ARFRP1: variants seen among roughly 807,000 people sequenced by gnomAD.
ARFRP1 encodes ARF related protein 1.
ARFRP1 carries 19 observed loss-of-function variants against 30.3 expected under a neutral mutation model. That is an observed-to-expected ratio of 0.63 (90% CI 0.44 to 0.92). The LOEUF (loss-of-function observed/expected upper bound fraction) is 0.92, where lower values mean the gene tolerates loss of function less well. ARFRP1 is among the 40% of genes least tolerant of loss of function. The pLI is 0.00. For synonymous variants in ARFRP1, 133 were observed against 114.2 expected (o/e 1.16, Z -1.05); for missense variants, 245 against 267.5 (o/e 0.92, Z 0.59).
At position 63,699,688 on chromosome 20, in the gene ARFRP1, T is replaced by TGG. The variant is rs1459491774; in HGVS notation, c.*754_*755insCC. ...GACACAGGGCCCCACAGAGAACCCC[T>TGG]CCGGGAGGTTCTCTCCTGGCTGGGG... On this transcript the variant is annotated 3_prime_UTR_variant, in exon 8 of 8. Transcript: ENST00000622789. 2.0e-5 allele frequency: 3 copies of TGG among 152,738 alleles called. No homozygotes were observed. The highest frequency in any genetic ancestry group is 7.3e-5 in the African/African-American group (3 of 41,250). 9.5% of individuals were successfully genotyped at this position (152,738 alleles called of 1,614,324 possible). A position where few individuals can be genotyped will look rare whatever the true frequency, so the allele number is the denominator to read the frequency against.
chr20:63,698,682 A>G lies in ARFRP1; in HGVS notation c.*1761T>C, dbSNP rs1482027480. 1 of 1,249,750 alleles carries G rather than the reference A, an allele frequency of 8.0e-7. No homozygotes were observed. Among genetic ancestry groups the G allele is most frequent in the African/African-American group, 1.6e-5 (1 of 62,442 alleles). 77.4% of individuals were successfully genotyped at this position (1,249,750 alleles called of 1,614,324 possible). A position where few individuals can be genotyped will look rare whatever the true frequency, so the allele number is the denominator to read the frequency against. ...CTTATTTTTATAAAGCTTTTTCATAAAACTGGTTGTAGTTGCACAGCTACT... is the reference window on the plus strand; with the variant it reads ...CTTATTTTTATAAAGCTTTTTCATAGAACTGGTTGTAGTTGCACAGCTACT... On this transcript the variant is annotated 3_prime_UTR_variant, in exon 8 of 8. Transcript: ENST00000622789.
In ARFRP1 at chr20:63,700,639, G is replaced by A. The variant is rs773068492; in HGVS notation, c.481C>T (p.Arg161Ter). ...FSDCTSKIGR[R>*]DCLTQACSAL... ...GAGCAGGCCTGGGTCAGGCAATCTCGCCTGCCGATCTTGCTGGTGCAGTCG... is the reference window on the plus strand; with the variant it reads ...GAGCAGGCCTGGGTCAGGCAATCTCACCTGCCGATCTTGCTGGTGCAGTCG... The change falls in exon 7 of 8, where the codon CGA becomes TGA. Residue 161 changes from arginine to a stop codon, truncating the protein, a stop_gained. Transcript: ENST00000622789. LOFTEE classifies it high-confidence loss of function. The A allele has an allele frequency of 3.8e-5, 61 of 1,610,530 alleles. No homozygotes were observed. Among genetic ancestry groups the A allele is most frequent in the African/African-American group, 2.7e-5 (2 of 74,878 alleles).
At chr20:63,702,383 T>G in intron 4 of ARFRP1, 166 bp from the exon 5 acceptor site, 1 of 658,718 alleles carries the variant, frequency 1.5e-6, no homozygotes, top group East Asian at 2.8e-5. Flanking sequence ...TGCGGGGAGA[T>G]CTGGTGGAGG....
intron 4 of ARFRP1, chr20:63,705,569 G>A (rs2091413134): frequency 2.0e-6 from 1 of 488,604 alleles, no homozygotes; most frequent in Admixed American, 2.2e-5. Flanking sequence ...GACTGCCGCT[G>A]TGAGACCCTG....
chr20:63,700,820 C>T (rs2091169136), intron 6 of ARFRP1, 118 bp from the exon 7 acceptor site: 2 of 1,371,386 alleles, frequency 1.5e-6, no homozygotes, highest in African/African-American at 1.4e-5. Context: ...AGAGCTCCAC[C>T]AGGGTCCCAG....
rs544032237 is a variant in ARFRP1, at chr20:63,700,463, G to A, written c.586C>T (p.Arg196Trp). The A allele has an allele frequency of 1.6e-5, 26 of 1,609,422 alleles. No individual in the cohort carries two copies. Among genetic ancestry groups the A allele is most frequent in the African/African-American group, 1.2e-4 (9 of 75,000 alleles). Residue 196 changes from arginine (R) to tryptophan (W), a missense_variant, in exon 8 of 8, where the codon CGG becomes TGG. Transcript: ENST00000622789. Reference protein sequence around the residue: ...CVVRNVHRPPRQRDIT With the variant: ...CVVRNVHRPPWQRDIT Reference sequence around the variant, plus strand: ...TGCGCCTACGTGATGTCCCTCTGCCGCGGCGGCCGGTGCACATTCCGCACG... The same window carrying A: ...TGCGCCTACGTGATGTCCCTCTGCCACGGCGGCCGGTGCACATTCCGCACG...
intron 4 of ARFRP1, chr20:63,703,302 C>T (rs1478837925): frequency 6.6e-6 from 1 of 152,310 alleles, no homozygotes; most frequent in Non-Finnish European, 1.5e-5. Flanking sequence ...GAGTACCAGA[C>T]AACCCCATCC....
At chr20:63,707,213 G>A in intron 1 of ARFRP1, 116 bp from the exon 2 acceptor site, 1 of 853,748 alleles carries the variant, frequency 1.2e-6, no homozygotes, top group Non-Finnish European at 1.8e-6. Context: ...CGAGAGCCTG[G>A]GGGCCATTCC....
Position 63,698,662 on chromosome 20 carries a change from TTTTATAAAGC to T in ARFRP1, c.*1771_*1780del. On this transcript the variant is annotated 3_prime_UTR_variant, in exon 8 of 8. Coordinates refer to ENST00000622789, the MANE Select transcript of ARFRP1 (RefSeq NM_001267547.3). ...AGAAATGAGGTTTCTTAAAGCTTAT[TTTTATAAAGC>T]TTTTTCATAAAACTGGTTGTAGTTG... 1 of 1,304,654 alleles carries T rather than the reference TTTTATAAAGC, an allele frequency of 7.7e-7. No homozygotes were observed. The highest frequency in any genetic ancestry group is 9.9e-7 in the Non-Finnish European group (1 of 1,010,960). 80.8% of individuals were successfully genotyped at this position (1,304,654 alleles called of 1,614,324 possible).
intron 7 of ARFRP1, 32 bp from the exon 8 acceptor site, chr20:63,700,562 C>T: frequency 6.2e-7 from 1 of 1,610,392 alleles, no homozygotes; most frequent in Non-Finnish European, 8.5e-7. Flanking sequence ...GGCGGGGGGT[C>T]TCGGTCCCCA....
chr20:63,702,470 G>C (rs1568756284), intron 4 of ARFRP1: 3 of 528,798 alleles, frequency 5.7e-6, no homozygotes, highest in Non-Finnish European at 1.0e-5. Flanking sequence ...GACAGGGATT[G>C]GGCCAGGCGT....
intron 4 of ARFRP1, chr20:63,703,173 T>C (rs1326004670): frequency 6.6e-6 from 1 of 152,234 alleles, no homozygotes; most frequent in East Asian, 1.9e-4. Flanking sequence ...GACCTAGAAC[T>C]GGATGCTGAC....
chr20:63,707,833 GGCCTCGC>G (rs1448810478), intron 1 of ARFRP1, 27 bp downstream of exon 1: 1 of 152,466 alleles, frequency 6.6e-6, no homozygotes. Context: ...CCGCCCCTCG[GGCCTCGC>G]GCCTCACCGC....
rs1482887053 is a variant in ARFRP1, at chr20:63,702,205, A to T, written c.277T>A (p.Cys93Ser). 1 of 1,611,528 alleles carries T rather than the reference A, an allele frequency of 6.2e-7. No individual in the cohort carries two copies. Among genetic ancestry groups the T allele is most frequent in the Admixed American group, 1.7e-5 (1 of 59,960 alleles). ...TCAATGACGTAGATGACGCCGTGAC[A>T]CTCCGCATAATACTGGGAGGAAGCA... ...QSLWDKYYAECHGVIYVIDST... is the reference protein window; with the variant it reads ...QSLWDKYYAESHGVIYVIDST... The change falls in exon 5 of 8, where the codon TGT becomes AGT. Residue 93 changes from cysteine (C) to serine (S), a missense_variant. By Grantham distance (112) the Cys-to-Ser change is moderately radical. Coordinates refer to ENST00000622789, the MANE Select transcript of ARFRP1 (RefSeq NM_001267547.3).
rs1361676329 is a variant in ARFRP1, at chr20:63,700,341, A to G, written c.*102T>C. 1 of 1,521,536 alleles carries G rather than the reference A, an allele frequency of 6.6e-7. No homozygotes were observed. Among genetic ancestry groups the G allele is most frequent in the Non-Finnish European group, 8.9e-7 (1 of 1,123,396 alleles). The allele number at this position is 1,521,536 out of a possible 1,614,324, so 94.3% of individuals were successfully genotyped here. The stretch of plus-strand genomic sequence containing the variant: ...AACAAAGTAAATAGAAGAACCCCAA[A>G]GCAAAGCAAACCCACCCCCCAGATC... On this transcript the variant is annotated 3_prime_UTR_variant, in exon 8 of 8. Coordinates refer to ENST00000622789, the MANE Select transcript of ARFRP1 (RefSeq NM_001267547.3).
intron 4 of ARFRP1, chr20:63,703,553 C>T (rs1307246876): frequency 6.6e-6 from 1 of 152,312 alleles, no homozygotes; most frequent in Non-Finnish European, 1.5e-5. Flanking sequence ...CCGCCAACCC[C>T]TCAAGGGACC....
At position 63,706,416 on chromosome 20, in the gene ARFRP1, C is replaced by G; in HGVS notation, c.205G>C (p.Ala69Pro). The G allele has an allele frequency of 6.2e-7, 1 of 1,613,416 alleles. No individual in the cohort carries two copies. Among genetic ancestry groups the G allele is most frequent in the Non-Finnish European group, 8.5e-7 (1 of 1,180,014 alleles). The part of the protein sequence containing the change: ...LNIGTVDVGK[A>P]RLMFWDLGGQ... ...CCTAAGTCCCAGAACATGAGCCGAG[C>G]CTTTCCCACATCCACAGTGCCGACT... The change falls in exon 4 of 8, where the codon GCT (alanine) becomes CCT (proline). Residue 69 changes from alanine (A) to proline (P), a missense_variant. By Grantham distance (27) the Ala-to-Pro change is conservative. Coordinates refer to ENST00000622789, the MANE Select transcript of ARFRP1 (RefSeq NM_001267547.3).
chr20:63,703,858 C>A (rs2091329711), intron 4 of ARFRP1: 1 of 152,432 alleles, frequency 6.6e-6, no homozygotes, highest in South Asian at 2.1e-4. Context: ...CGGGCAGGAC[C>A]CAGAGCCCCA....
In ARFRP1 at chr20:63,700,338, C is replaced by G. The variant is rs897440246; in HGVS notation, c.*105G>C. ...GAAAACAAAGTAAATAGAAGAACCC[C>G]AAAGCAAAGCAAACCCACCCCCCAG... is the stretch of plus-strand genomic sequence containing the variant. On this transcript the variant is annotated 3_prime_UTR_variant, in exon 8 of 8. Coordinates refer to ENST00000622789, the MANE Select transcript of ARFRP1 (RefSeq NM_001267547.3). 2.0e-6 allele frequency: 3 copies of G among 1,506,478 alleles called. No individual in the cohort carries two copies. The highest frequency in any genetic ancestry group is 2.8e-5 in the African/African-American group (2 of 72,214). The allele number at this position is 1,506,478 out of a possible 1,614,324, so 93.3% of individuals were successfully genotyped here. A position where few individuals can be genotyped will look rare whatever the true frequency, so the allele number is the denominator to read the frequency against.
Sources: allele counts gnomAD v4.1 joint callset, GRCh38; gene constraint gnomAD v4.1.1; transcripts MANE v1.5; gene names NCBI Gene and HGNC (gene_info 2026-07-23, HGNC 2026-07-21).